The following CRACD variants were observed in gnomAD, a reference collection of about 807,000 sequenced individuals.
CRACD encodes the protein capping protein inhibiting regulator of actin dynamics.
Under a neutral mutation model 106.8 loss-of-function variants are expected in CRACD, and 56 were observed. The observed-to-expected ratio is 0.52, with a 90% CI of 0.42 to 0.66. The LOEUF (loss-of-function observed/expected upper bound fraction) is 0.66, where lower values mean the gene tolerates loss of function less well. Ranked by LOEUF, CRACD falls within the 30% of genes least tolerant of loss-of-function variation. The pLI is 0.00. For synonymous variants in CRACD, 754 were observed against 670.8 expected, an observed-to-expected ratio of 1.12 and a Z score of -1.92; for missense variants, 1,730 against 1,623.2, an observed-to-expected ratio of 1.07 and a Z score of -1.13.
At chr4:56,166,101 G>A (rs1736132578) in intron 1 of CRACD, among the ~76,000 whole-genome samples, 1 of 152,082 alleles carries the variant, frequency 6.6e-6, no homozygotes, top group Non-Finnish European at 1.5e-5. Context: ...CCAGCCTCAA[G>A]CGATCCTCCC....
At chr4:56,197,803 A>G (rs1156717816) in intron 2 of CRACD, among the ~76,000 whole-genome samples, 4 of 151,682 alleles carry the variant, frequency 2.6e-5, no homozygotes. Context: ...TCAGCCATCC[A>G]AGTAGCTGGG....
chr4:56,329,883 A>C lies in CRACD; in HGVS notation c.*2079A>C, dbSNP rs1398856236. Among the ~76,000 whole-genome samples the C allele has an allele frequency of 6.6e-6, 1 of 152,184 alleles. No individual in the cohort carries two copies. Among genetic ancestry groups the C allele is most frequent in the Non-Finnish European group, 1.5e-5 (1 of 68,024 alleles). ...AAAGTTGTAGATGTGTCAACTTTGTATTGGCTGGGATATCACTGTGCCCAA... is the reference window on the plus strand; with the variant it reads ...AAAGTTGTAGATGTGTCAACTTTGTCTTGGCTGGGATATCACTGTGCCCAA... On this transcript the variant is annotated 3_prime_UTR_variant, in exon 11 of 11. Transcript: ENST00000682029.
rs1476903015 is a variant in CRACD, at chr4:56,307,719, T to C, written c.285+20T>C. On this transcript the variant is annotated intron_variant, in intron 5 of 10. Transcript: ENST00000682029. ...AACAAGGTAAGTCTCCTCCAGGGAA[T>C]GACTTGATGGCTCATAAACCAGGGC... The C allele has an allele frequency of 6.2e-7, 1 of 1,613,270 alleles. No individual in the cohort carries two copies. The highest frequency in any genetic ancestry group is 1.3e-5 in the African/African-American group (1 of 74,894).
chr4:56,195,594 C>T (rs550731060), intron 2 of CRACD, among the ~76,000 whole-genome samples: 5 of 152,198 alleles, frequency 3.3e-5, no homozygotes, highest in Admixed American at 2.0e-4. Context: ...GGAAATGTTT[C>T]ATAACTGACA....
chr4:56,056,864 G>A (rs1490605078), intron 1 of CRACD, among the ~76,000 whole-genome samples: 1 of 152,192 alleles, frequency 6.6e-6, no homozygotes, highest in African/African-American at 2.4e-5. Context: ...CTTGAGCCCA[G>A]GAATTGGAGA....
chr4:56,316,764 C>A, intron 8 of CRACD, 75 bp downstream of exon 8: 2 of 1,466,132 alleles, frequency 1.4e-6, no homozygotes, highest in Non-Finnish European at 1.8e-6. Flanking sequence ...GATCCACACG[C>A]AGGTTCATGA....
At chr4:56,180,528 A>G (rs1472946815) in intron 2 of CRACD, among the ~76,000 whole-genome samples, 1 of 147,726 alleles carries the variant, frequency 6.8e-6, no homozygotes, top group Non-Finnish European at 1.5e-5. Context: ...AAATAAATAA[A>G]TAAATAGATA....
In CRACD at chr4:56,314,577, A is replaced by T; in HGVS notation, c.1075A>T (p.Lys359Ter). 1 of 1,516,764 alleles carries T rather than the reference A, an allele frequency of 6.6e-7. No homozygotes were observed. The highest frequency in any genetic ancestry group is 2.1e-5 in the Admixed American group (1 of 46,930). 94.0% of individuals were successfully genotyped at this position (1,516,764 alleles called of 1,614,324 possible). A position where few individuals can be genotyped will look rare whatever the true frequency, so the allele number is the denominator to read the frequency against. The change falls in exon 8 of 11, where the codon AAA (lysine) becomes TAA (stop). Residue 359 changes from lysine (K) to a stop codon, truncating the protein, a stop_gained. Transcript: ENST00000682029. LOFTEE classifies it high-confidence loss of function. This position sits in a 1 kb window ranked among gnomAD's most constrained non-coding sequence, Gnocchi z 4.4. ...EEEGRCAEEL[K>*]RQEEEEAEGW... is the part of the protein sequence containing the mutation. ...GGAAGGAAGATGCGCGGAGGAGCTC[A>T]AAAGGCAGGAGGAGGAGGAGGCTGA...
intron 1 of CRACD, among the ~76,000 whole-genome samples, chr4:56,103,110 A>C (rs1161868992): frequency 6.6e-6 from 1 of 152,148 alleles, no homozygotes; most frequent in Admixed American, 6.5e-5. Context: ...GAACTCAATA[A>C]ATATTTGTGG....
At chr4:56,089,335 C>T (rs1325498524) in intron 1 of CRACD, among the ~76,000 whole-genome samples, 1 of 152,102 alleles carries the variant, frequency 6.6e-6, no homozygotes, top group Non-Finnish European at 1.5e-5. Context: ...TCCTTTGCTG[C>T]TTTTATTACT....
At chr4:56,302,205 G>C (rs2109732950) in intron 4 of CRACD, among the ~76,000 whole-genome samples, 1 of 152,300 alleles carries the variant, frequency 6.6e-6, no homozygotes, top group South Asian at 2.1e-4. Flanking sequence ...TTGAACTGCT[G>C]TAGCATGGAG....
chr4:56,128,081 C>T (rs1003046165), intron 1 of CRACD, among the ~76,000 whole-genome samples: 1 of 151,964 alleles, frequency 6.6e-6, no homozygotes, highest in Non-Finnish European at 1.5e-5. Context: ...AAATGGGAGT[C>T]GTCACCATGT....
intron 1 of CRACD, among the ~76,000 whole-genome samples, chr4:56,177,164 C>G (rs1736619263): frequency 6.6e-6 from 1 of 152,160 alleles, no homozygotes; most frequent in East Asian, 1.9e-4. Flanking sequence ...CTTTCAATTT[C>G]CCCTGTTCAG....
intron 1 of CRACD, among the ~76,000 whole-genome samples, chr4:56,070,764 C>T (rs1435938845): frequency 1.3e-5 from 2 of 151,672 alleles, no homozygotes; most frequent in African/African-American, 4.8e-5. Context: ...CTTCCAGCCC[C>T]CCTGCCGTTT....
intron 2 of CRACD, among the ~76,000 whole-genome samples, chr4:56,187,104 C>G (rs1693111642): frequency 6.6e-6 from 1 of 151,796 alleles, no homozygotes; most frequent in African/African-American, 2.4e-5. Flanking sequence ...TTTGAATTTG[C>G]CATTGAACCT....
chr4:56,249,153 G>T (rs2109583529), intron 2 of CRACD, among the ~76,000 whole-genome samples: 1 of 149,976 alleles, frequency 6.7e-6, no homozygotes, highest in East Asian at 2.0e-4. Context: ...TCGCCACACT[G>T]ACTTCCACAA....
At chr4:56,200,590 G>C (rs1298643151) in intron 2 of CRACD, among the ~76,000 whole-genome samples, 1 of 152,136 alleles carries the variant, frequency 6.6e-6, no homozygotes, top group African/African-American at 2.4e-5. Flanking sequence ...AAATTGGAAA[G>C]AGGCTTGTCC....
chr4:56,193,213 T>C (rs1737462106), intron 2 of CRACD, among the ~76,000 whole-genome samples: 2 of 152,126 alleles, frequency 1.3e-5, no homozygotes, highest in African/African-American at 4.8e-5. Context: ...TTATTCATTA[T>C]CATGAGAACA....
At chr4:56,317,229 C>T (rs1011268260) in intron 8 of CRACD, among the ~76,000 whole-genome samples, 6 of 152,172 alleles carry the variant, frequency 3.9e-5, no homozygotes, top group African/African-American at 4.8e-5. Flanking sequence ...TCATTGACTA[C>T]GTCACTGCTA....
Sources: allele counts gnomAD v4.1 joint callset (sites outside exome capture counted in the v4.1 genomes callset), GRCh38; gene constraint gnomAD v4.1.1; non-coding constraint Gnocchi (gnomAD v3.1); transcripts MANE v1.5; gene names NCBI Gene and HGNC (gene_info 2026-07-23, HGNC 2026-07-21).